The following STX6 variants were observed in gnomAD, a reference collection of about 807,000 sequenced individuals.
STX6 encodes syntaxin-6.
STX6 carries 23 observed loss-of-function variants against 38.0 expected under a neutral mutation model. The ratio of observed to expected loss-of-function variants is 0.60; its 90% CI spans 0.43 to 0.86. STX6 has a LOEUF of 0.86. STX6 is among the 40% of genes least tolerant of loss of function. STX6 has a pLI of 0.00. For missense variants in STX6, 274 were observed against 312.9 expected (o/e 0.88, Z 0.94); for synonymous variants, 123 against 107.5 (o/e 1.14, Z -0.89).
intron 5 of STX6, chr1:180,989,285 AG>A (rs1454084261): frequency 1.3e-5 from 2 of 152,118 alleles, no homozygotes; most frequent in Non-Finnish European, 2.9e-5. Context: ...TGAGCTCAAG[AG>A]TTCGAGACCA....
chr1:180,990,876 G>C (rs1019532344), intron 4 of STX6, among the ~76,000 whole-genome samples: 1 of 152,174 alleles, frequency 6.6e-6, no homozygotes, highest in African/African-American at 2.4e-5. Context: ...ACATGAAGAA[G>C]ACAGGCAGGA....
intron 1 of STX6, among the ~76,000 whole-genome samples, chr1:181,008,846 G>A (rs548850648): frequency 6.9e-5 from 10 of 145,948 alleles, no homozygotes; most frequent in South Asian, 4.3e-4. Context: ...AAAATATCTC[G>A]AGAATTTTTT....
At chr1:180,986,466 A>T (rs1357348317) in intron 6 of STX6, among the ~76,000 whole-genome samples, 2 of 152,216 alleles carry the variant, frequency 1.3e-5, no homozygotes, top group African/African-American at 4.8e-5. Flanking sequence ...CACTTACTCA[A>T]CAGCCACATG....
At chr1:180,997,070 T>C (rs1323598673) in intron 3 of STX6, among the ~76,000 whole-genome samples, 2 of 152,236 alleles carry the variant, frequency 1.3e-5, no homozygotes, top group Non-Finnish European at 2.9e-5. Flanking sequence ...TGATCTTTCA[T>C]GTCAAAGACC....
chr1:181,015,452 C>G (rs1656528613), intron 1 of STX6, among the ~76,000 whole-genome samples: 1 of 150,370 alleles, frequency 6.7e-6, no homozygotes, highest in Non-Finnish European at 1.5e-5. Flanking sequence ...CCTCCTCCTC[C>G]TTACCTTGCA....
At chr1:180,981,603 A>G (rs1016728707) in intron 7 of STX6, among the ~76,000 whole-genome samples, 2 of 152,000 alleles carry the variant, frequency 1.3e-5, no homozygotes, top group African/African-American at 2.4e-5. Flanking sequence ...CCACCCTCCA[A>G]TCACCTTCTC....
chr1:180,995,152 A>G (rs962847467), intron 3 of STX6, among the ~76,000 whole-genome samples: 33 of 151,984 alleles, frequency 2.2e-4, no homozygotes, highest in Non-Finnish European at 4.6e-4. Flanking sequence ...TAGTAGAGAC[A>G]GGGTTTCAGT....
At chr1:181,006,208 G>A (rs1332802570) in intron 1 of STX6, among the ~76,000 whole-genome samples, 1 of 151,822 alleles carries the variant, frequency 6.6e-6, no homozygotes, top group Non-Finnish European at 1.5e-5. Flanking sequence ...GATTACAGGT[G>A]CCCGCCACCA....
chr1:181,022,724 G>T lies in STX6; in HGVS notation c.-51C>A. The T allele has an allele frequency of 6.4e-7, 1 of 1,561,120 alleles. No individual in the cohort carries two copies. The highest frequency in any genetic ancestry group is 8.7e-7 in the Non-Finnish European group (1 of 1,152,350). On this transcript the variant is annotated 5_prime_UTR_variant, in exon 1 of 8. Coordinates refer to ENST00000258301, the MANE Select transcript of STX6 (RefSeq NM_005819.6). ...CCTCCTCCGCGCACAGGGCGCCCGTGCCTCCCGGTCTCCCTCCGCCCACCC... is the reference window on the plus strand; with the variant it reads ...CCTCCTCCGCGCACAGGGCGCCCGTTCCTCCCGGTCTCCCTCCGCCCACCC...
intron 1 of STX6, among the ~76,000 whole-genome samples, chr1:181,006,284 A>G (rs867672303): frequency 6.6e-6 from 1 of 151,856 alleles, no homozygotes; most frequent in African/African-American, 2.4e-5. Flanking sequence ...GCTGGTCTTG[A>G]ACTCCTGATC....
At chr1:181,002,322 A>G (rs375325103) in intron 3 of STX6, among the ~76,000 whole-genome samples, 18 of 151,360 alleles carry the variant, frequency 1.2e-4, no homozygotes, top group African/African-American at 2.9e-4. Flanking sequence ...GCTAATTTTT[A>G]TATTTTTTTT....
intron 4 of STX6, among the ~76,000 whole-genome samples, chr1:180,990,538 T>G (rs778774931): frequency 4.0e-5 from 5 of 125,790 alleles, no homozygotes; most frequent in African/African-American, 5.6e-5. Context: ...CCAGGGGAAG[T>G]TGTGGGTTTT....
At chr1:180,991,967 A>T (rs931970942) in intron 4 of STX6, among the ~76,000 whole-genome samples, 1 of 148,334 alleles carries the variant, frequency 6.7e-6, no homozygotes, top group African/African-American at 2.4e-5. Flanking sequence ...TAAATATATA[A>T]ATATAAATTT....
At position 181,016,435 on chromosome 1, in the gene STX6, A is replaced by G. The variant is rs116873057; in HGVS notation, c.35+6204T>C. Among the ~76,000 whole-genome samples the G allele has an allele frequency of 2.0e-4, 31 of 152,288 alleles. No homozygotes were observed. The East Asian group carries it at 5.8e-3, about 28-fold the overall frequency. On this transcript the variant is annotated intron_variant, in intron 1 of 7. Coordinates refer to ENST00000258301, the MANE Select transcript of STX6 (RefSeq NM_005819.6). Reference sequence around the variant, plus strand: ...TCACTTATCTGCATAGTGTTCTCCAAACTAAGGAGCTAAATAATATTAAAC... The same window carrying G: ...TCACTTATCTGCATAGTGTTCTCCAGACTAAGGAGCTAAATAATATTAAAC...
chr1:181,014,459 T>C (rs979989941), intron 1 of STX6, among the ~76,000 whole-genome samples: 1 of 151,796 alleles, frequency 6.6e-6, no homozygotes, highest in Non-Finnish European at 1.5e-5. Context: ...GGTGCAGCCA[T>C]CAATGGAAAA....
chr1:180,973,448 A>C lies in STX6; in HGVS notation c.*3122T>G, dbSNP rs1054581959. On this transcript the variant is annotated 3_prime_UTR_variant, in exon 8 of 8. Transcript: ENST00000258301. ...AGAAGGTAAAACACTTAACAGAGAC[A>C]GATTTCTGTTGGAGTTAGACTAGAT... is the stretch of plus-strand genomic sequence containing the variant. 6.5e-6 allele frequency: 1 copy of C among 152,694 alleles called. No individual in the cohort carries two copies. The highest frequency in any genetic ancestry group is 1.5e-5 in the Non-Finnish European group (1 of 68,050). 9.5% of individuals were successfully genotyped at this position (152,694 alleles called of 1,614,324 possible). A position where few individuals can be genotyped will look rare whatever the true frequency, so the allele number is the denominator to read the frequency against.
At chr1:181,011,321 T>A (rs184730724) in intron 1 of STX6, among the ~76,000 whole-genome samples, 1 of 152,148 alleles carries the variant, frequency 6.6e-6, no homozygotes, top group Non-Finnish European at 1.5e-5. Flanking sequence ...CCCATCTCAA[T>A]AGCAAGCAAA....
rs112703006 is a variant in STX6, at chr1:181,001,728, G to A, written c.300+878C>T. 4.0e-3 allele frequency among the ~76,000 whole-genome samples: 609 copies of A among 152,272 alleles called. 6 individuals carry two copies. Among genetic ancestry groups the A allele is most frequent in the African/African-American group, 0.013 (560 of 41,550 alleles). ...TTCTACAATAGCAATTGTTTTGTTC[G>A]TCAAGAAATAGAGTACACTAAGAAA... On this transcript the variant is annotated intron_variant, in intron 3 of 7. Transcript: ENST00000258301.
At chr1:181,018,137 C>A (rs1230925595) in intron 1 of STX6, among the ~76,000 whole-genome samples, 1 of 152,016 alleles carries the variant, frequency 6.6e-6, no homozygotes, top group East Asian at 1.9e-4. Flanking sequence ...ATAATCCCAA[C>A]ACTTTGGGAA....
Sources: gnomAD v4.1 joint callset for allele counts (sites outside exome capture counted in the v4.1 genomes callset) on GRCh38, gnomAD v4.1.1 for gene constraint, MANE v1.5 for transcripts, NCBI Gene and HGNC (gene_info 2026-07-23, HGNC 2026-07-21) for gene names.